The following PTK2 variants were observed in gnomAD, a reference collection of about 807,000 sequenced individuals.
The protein encoded by PTK2 is focal adhesion kinase 1.
A neutral mutation model predicts 150.1 loss-of-function variants in PTK2; 45 were observed. The observed-to-expected ratio is 0.30, with a 90% CI of 0.24 to 0.38. The LOEUF is 0.38. Among genes scored for constraint, PTK2 ranks in the 10% least tolerant of loss-of-function variants. The pLI, the probability that PTK2 is intolerant of heterozygous loss-of-function variation, is 1.00. For missense variants in PTK2, 919 were observed against 1,307.3 expected, an observed-to-expected ratio of 0.70 and a Z score of 4.58; for synonymous variants, 432 against 449.2, an observed-to-expected ratio of 0.96 and a Z score of 0.48.
intron 7 of PTK2, among the ~76,000 whole-genome samples, chr8:140,833,351 T>C (rs1464661103): frequency 1.3e-5 from 2 of 152,206 alleles, no homozygotes; most frequent in African/African-American, 4.8e-5. Flanking sequence ...TGGTAAAAAT[T>C]CTGCAACGCT....
intron 26 of PTK2, among the ~76,000 whole-genome samples, chr8:140,689,396 C>T (rs761113292): frequency 6.6e-6 from 1 of 152,188 alleles, no homozygotes; most frequent in East Asian, 1.9e-4. Context: ...GGAAAGATTT[C>T]GGGAAGACCC....
At chr8:140,896,720 T>C (rs1048749785) in intron 2 of PTK2, among the ~76,000 whole-genome samples, 3 of 148,844 alleles carry the variant, frequency 2.0e-5, no homozygotes, top group Admixed American at 6.7e-5. Flanking sequence ...CCATTACCAC[T>C]TGCGTACAGC....
intron 8 of PTK2, among the ~76,000 whole-genome samples, chr8:140,827,354 G>A (rs191774896): frequency 2.5e-4 from 38 of 152,010 alleles, no homozygotes; most frequent in East Asian, 3.9e-4. Context: ...ATCAGGGCTC[G>A]CTGTTTCTAG....
intron 12 of PTK2, among the ~76,000 whole-genome samples, chr8:140,795,830 T>C (rs1043293787): frequency 6.6e-6 from 1 of 152,216 alleles, no homozygotes; most frequent in Admixed American, 6.5e-5. Flanking sequence ...CTACTGCACA[T>C]TGTATTCCCC....
intron 22 of PTK2, among the ~76,000 whole-genome samples, chr8:140,728,294 C>T (rs1184277887): frequency 1.3e-5 from 2 of 151,918 alleles, no homozygotes; most frequent in African/African-American, 2.4e-5. Context: ...TCTGTCATTC[C>T]AAAGCTCATA....
chr8:140,735,063 A>G (rs1215119256), intron 22 of PTK2, 188 bp downstream of exon 25: 1 of 615,364 alleles, frequency 1.6e-6, no homozygotes, highest in African/African-American at 1.8e-5. Flanking sequence ...TTTTAAAGAT[A>G]TAATTTACTT....
intron 4 of PTK2, among the ~76,000 whole-genome samples, chr8:140,869,355 T>C (rs1445247318): frequency 2.0e-5 from 3 of 152,190 alleles, no homozygotes; most frequent in East Asian, 3.9e-4. Flanking sequence ...TGGGTAACCA[T>C]ACATCTAAAA....
At chr8:140,804,045 AGAGGG>A (rs2100096841) in intron 10 of PTK2, among the ~76,000 whole-genome samples, 3 of 152,208 alleles carry the variant, frequency 2.0e-5, no homozygotes, top group Admixed American at 1.3e-4. Flanking sequence ...TCCCAAAGAA[AGAGGG>A]GATCTGGGAT....
At chr8:140,763,502 A>C (rs1246442684) in intron 15 of PTK2, among the ~76,000 whole-genome samples, 1 of 152,124 alleles carries the variant, frequency 6.6e-6, no homozygotes, top group Non-Finnish European at 1.5e-5. Flanking sequence ...AAGAAAATGA[A>C]ATTAAGAAAT....
intron 1 of PTK2, among the ~76,000 whole-genome samples, chr8:140,933,328 G>A (rs926397702): frequency 2.6e-5 from 4 of 152,142 alleles, no homozygotes; most frequent in Admixed American, 2.0e-4. Context: ...GCAAGAACAG[G>A]AGGGGCTAAA....
intron 16 of PTK2, among the ~76,000 whole-genome samples, chr8:140,753,887 T>C (rs1021411327): frequency 1.2e-4 from 19 of 152,250 alleles, no homozygotes; most frequent in African/African-American, 4.1e-4. Context: ...GCAGAATTAA[T>C]TAATGCTATT....
chr8:140,682,884 T>G (rs2100017872), intron 27 of PTK2, among the ~76,000 whole-genome samples: 1 of 152,002 alleles, frequency 6.6e-6, no homozygotes, highest in Non-Finnish European at 1.5e-5. Flanking sequence ...GTGCTAAACA[T>G]CTACAACAAA....
chr8:140,780,837 G>C (rs1254681797), intron 14 of PTK2, among the ~76,000 whole-genome samples: 2 of 152,230 alleles, frequency 1.3e-5, no homozygotes, highest in Non-Finnish European at 2.9e-5. Context: ...GTGTATGTAA[G>C]TGGACAGAGG....
chr8:140,742,099 G>A (rs1438828967), intron 20 of PTK2, among the ~76,000 whole-genome samples: 5 of 152,196 alleles, frequency 3.3e-5, no homozygotes, highest in African/African-American at 1.2e-4. Context: ...TTGCGCCACT[G>A]CACTCCAGCC....
chr8:140,840,215 C>T (rs1215709253), intron 7 of PTK2, among the ~76,000 whole-genome samples: 8 of 152,104 alleles, frequency 5.3e-5, no homozygotes, highest in East Asian at 3.9e-4. Flanking sequence ...CGTGCCACCG[C>T]GCCTGGCTAA....
chr8:140,905,157 T>C (rs2100160349), intron 2 of PTK2, among the ~76,000 whole-genome samples: 1 of 152,114 alleles, frequency 6.6e-6, no homozygotes, highest in Non-Finnish European at 1.5e-5. Context: ...CTCTAAACAC[T>C]GCTTTAGCTG....
intron 31 of PTK2, chr8:140,660,557 C>G (rs2078094423): frequency 2.2e-6 from 1 of 451,402 alleles, no homozygotes. Context: ...AACCCCATCT[C>G]TACAAAAAAA....
chr8:140,981,694 T>C (rs2100191493), intron 1 of PTK2, among the ~76,000 whole-genome samples: 1 of 152,238 alleles, frequency 6.6e-6, no homozygotes, highest in South Asian at 2.1e-4. Context: ...AAAGTTTTAC[T>C]AGACACAGCC....
chr8:140,866,237 T>C lies in PTK2; in HGVS notation c.363-1838A>G, dbSNP rs140999059. On this transcript the variant is annotated intron_variant, in intron 4 of 31. Coordinates refer to ENST00000522684, the Ensembl canonical transcript of PTK2. The stretch of plus-strand genomic sequence containing the variant: ...GGTCCAAGGAGGCTTTTGGTATTAA[T>C]GGGACTCCCATTTTATTTATTTATT... 1.9e-3 allele frequency among the ~76,000 whole-genome samples: 294 copies of C among 152,364 alleles called. 2 individuals are homozygous for C. Among genetic ancestry groups the C allele is most frequent in the African/African-American group, 6.8e-3 (284 of 41,590 alleles).
Sources: allele counts gnomAD v4.1 joint callset (sites outside exome capture counted in the v4.1 genomes callset), GRCh38; gene constraint gnomAD v4.1.1; transcripts MANE v1.5; gene names NCBI Gene and HGNC (gene_info 2026-07-23, HGNC 2026-07-21).